The following SLC44A5 variants were observed in gnomAD, a reference collection of about 807,000 sequenced individuals.
The protein encoded by SLC44A5 is choline transporter-like protein 5.
In SLC44A5, 57 loss-of-function variants were observed where a neutral mutation model predicts 101.8. That is an observed-to-expected ratio of 0.56 (90% confidence interval 0.45 to 0.70). The LOEUF (loss-of-function observed/expected upper bound fraction) is 0.70, where lower values mean the gene tolerates loss of function less well. Ranked by LOEUF, SLC44A5 falls within the 30% of genes least tolerant of loss-of-function variation. The probability of loss-of-function intolerance (pLI) is 0.00; values close to 1 mark genes in which losing one functional copy is unlikely to be tolerated. For synonymous variants in SLC44A5, 281 were observed against 290.9 expected (o/e 0.97, Z 0.35); for missense variants, 737 against 853.1 (o/e 0.86, Z 1.70).
intron 2 of SLC44A5, among the ~76,000 whole-genome samples, chr1:75,494,283 T>C (rs1291165812): frequency 6.6e-6 from 1 of 152,164 alleles, no homozygotes; most frequent in East Asian, 1.9e-4. Flanking sequence ...GTCTCAGCTA[T>C]TCTGTTATAG....
chr1:75,398,075 G>A (rs570639017), intron 2 of SLC44A5, among the ~76,000 whole-genome samples: 38 of 152,222 alleles, frequency 2.5e-4, no homozygotes, highest in African/African-American at 8.9e-4. Flanking sequence ...CTGAGAGGTA[G>A]AATAAAATGA....
intron 2 of SLC44A5, among the ~76,000 whole-genome samples, chr1:75,530,143 G>T (rs1452986856): frequency 6.6e-6 from 1 of 152,090 alleles, no homozygotes; most frequent in East Asian, 1.9e-4. Flanking sequence ...TGAGCATTTG[G>T]AGGAACAAAT....
chr1:75,549,677 C>T (rs923835337), intron 1 of SLC44A5, among the ~76,000 whole-genome samples: 2 of 152,012 alleles, frequency 1.3e-5, no homozygotes, highest in African/African-American at 4.8e-5. Flanking sequence ...CAGATAAAAC[C>T]GTGTACTTAC....
intron 23 of SLC44A5, among the ~76,000 whole-genome samples, chr1:75,210,525 A>C (rs1028639646): frequency 6.6e-6 from 1 of 152,150 alleles, no homozygotes; most frequent in South Asian, 2.1e-4. Flanking sequence ...TCCATTTGTC[A>C]TTGTGATGCA....
At chr1:75,516,716 C>A (rs1188083837) in intron 2 of SLC44A5, among the ~76,000 whole-genome samples, 1 of 152,138 alleles carries the variant, frequency 6.6e-6, no homozygotes, top group Non-Finnish European at 1.5e-5. Context: ...CAGCATCCAG[C>A]ACAATGCATG....
chr1:75,580,773 G>A (rs1673641923), intron 1 of SLC44A5, among the ~76,000 whole-genome samples: 1 of 151,748 alleles, frequency 6.6e-6, no homozygotes, highest in Non-Finnish European at 1.5e-5. Context: ...GGGAGGCAGA[G>A]GTCGCAGTGA....
At chr1:75,501,431 A>G (rs1049045481) in intron 2 of SLC44A5, among the ~76,000 whole-genome samples, 1 of 152,214 alleles carries the variant, frequency 6.6e-6, no homozygotes, top group Admixed American at 6.5e-5. Context: ...CTACATTCCC[A>G]TAATTTGCAC....
chr1:75,642,755 T>C, the SLC44A5 span, among the ~76,000 whole-genome samples: 3 of 152,022 alleles, frequency 2.0e-5, no homozygotes, highest in African/African-American at 4.8e-5. Flanking sequence ...GGTTGCAAAG[T>C]CTCAAGAGGC....
rs184285039 is a variant in SLC44A5, at chr1:75,356,082, G to A, written c.53-16452C>T. Among the ~76,000 whole-genome samples the A allele has an allele frequency of 1.5e-4, 23 of 151,644 alleles. No individual in the cohort carries two copies. The South Asian group carries it at 4.2e-3, about 27-fold the overall frequency. ...ACAGAAATTAGCTGGACATGGTGGC[G>A]GGCACCTGTAACCCCAGCTACTCAG... On this transcript the variant is annotated intron_variant, in intron 3 of 23. Transcript: ENST00000370859.
chr1:75,303,680 C>T (rs1307988046), intron 4 of SLC44A5, among the ~76,000 whole-genome samples: 1 of 152,200 alleles, frequency 6.6e-6, no homozygotes, highest in African/African-American at 2.4e-5. Flanking sequence ...GCATCAGGAA[C>T]TACCCTGTCC....
chr1:75,463,350 G>C (rs1666615770), intron 2 of SLC44A5, among the ~76,000 whole-genome samples: 2 of 150,814 alleles, frequency 1.3e-5, no homozygotes, highest in Middle Eastern at 3.4e-3. Flanking sequence ...AACCTGGGAG[G>C]CGGAGCTTGC....
intron 2 of SLC44A5, among the ~76,000 whole-genome samples, chr1:75,467,836 T>A (rs1412211009): frequency 6.6e-6 from 1 of 152,068 alleles, no homozygotes; most frequent in Non-Finnish European, 1.5e-5. Flanking sequence ...ACAAATGAGA[T>A]AACATTAAGT....
chr1:75,598,767 C>T (rs1035925216), intron 1 of SLC44A5, among the ~76,000 whole-genome samples: 2 of 151,856 alleles, frequency 1.3e-5, no homozygotes, highest in African/African-American at 2.4e-5. Flanking sequence ...CATACTGGGG[C>T]CTATTGAAGA....
At chr1:75,231,778 G>C (rs1398812570) in intron 12 of SLC44A5, among the ~76,000 whole-genome samples, 1 of 152,086 alleles carries the variant, frequency 6.6e-6, no homozygotes, top group Non-Finnish European at 1.5e-5. Context: ...CTGGGATCGT[G>C]CCTTTTTCAT....
At chr1:75,590,707 G>C (rs921007132) in intron 1 of SLC44A5, among the ~76,000 whole-genome samples, 1 of 152,160 alleles carries the variant, frequency 6.6e-6, no homozygotes, top group Non-Finnish European at 1.5e-5. Flanking sequence ...TATGGGGTGA[G>C]GTTCCTCTGC....
At chr1:75,660,546 A>C in the SLC44A5 span, among the ~76,000 whole-genome samples, 1 of 152,196 alleles carries the variant, frequency 6.6e-6, no homozygotes, top group Non-Finnish European at 1.5e-5. Flanking sequence ...CCTCATTTGC[A>C]GATGACATAA....
intron 2 of SLC44A5, among the ~76,000 whole-genome samples, chr1:75,481,325 A>C (rs925722142): frequency 1.3e-5 from 2 of 152,212 alleles, no homozygotes; most frequent in African/African-American, 4.8e-5. Flanking sequence ...AGGCATTACC[A>C]TTCAGGACAT....
At chr1:75,286,761 G>A (rs1653086636) in intron 5 of SLC44A5, among the ~76,000 whole-genome samples, 1 of 151,894 alleles carries the variant, frequency 6.6e-6, no homozygotes, top group African/African-American at 2.4e-5. Context: ...TTTGTTTAAG[G>A]AGCCTAAAGA....
chr1:75,635,634 C>T, the SLC44A5 span, among the ~76,000 whole-genome samples: 713 of 125,022 alleles, frequency 5.7e-3, 9 homozygotes, highest in African/African-American at 0.022. Context: ...GGAAGGGGAA[C>T]ATCACACTCT....
Sources: gnomAD v4.1 joint callset for allele counts (sites outside exome capture counted in the v4.1 genomes callset) on GRCh38, gnomAD v4.1.1 for gene constraint, MANE v1.5 for transcripts, NCBI Gene and HGNC (gene_info 2026-07-23, HGNC 2026-07-21) for gene names.